Variants in KIAA0825 observed in about 807,000 individuals in gnomAD.
KIAA0825 encodes uncharacterized protein KIAA0825.
A neutral mutation model predicts 147.6 loss-of-function variants in KIAA0825; 119 were observed. The ratio of observed to expected loss-of-function variants is 0.81; its 90% CI spans 0.69 to 0.94. KIAA0825 has a LOEUF of 0.94. KIAA0825 is among the 40% of genes least tolerant of loss of function. The pLI, the probability that KIAA0825 is intolerant of heterozygous loss-of-function variation, is 0.00. For missense variants in KIAA0825, 1,381 were observed against 1,472.7 expected, an observed-to-expected ratio of 0.94 and a Z score of 1.02; for synonymous variants, 470 against 518.1, an observed-to-expected ratio of 0.91 and a Z score of 1.26.
At chr5:94,431,152 A>C (rs1035339015) in intron 14 of KIAA0825, among the ~76,000 whole-genome samples, 5 of 152,214 alleles carry the variant, frequency 3.3e-5, no homozygotes, top group Non-Finnish European at 7.3e-5. Context: ...AGTATAAAAA[A>C]AATGAAGAGA....
At chr5:94,168,670 G>A (rs1206323376) in intron 20 of KIAA0825, among the ~76,000 whole-genome samples, 1 of 152,110 alleles carries the variant, frequency 6.6e-6, no homozygotes, top group Non-Finnish European at 1.5e-5. Flanking sequence ...TAGATAGAAG[G>A]CCAAGGTCAT....
chr5:94,576,352 T>C (rs1781038258), intron 2 of KIAA0825, among the ~76,000 whole-genome samples: 1 of 151,942 alleles, frequency 6.6e-6, no homozygotes, highest in South Asian at 2.1e-4. Flanking sequence ...CTTTAAGAGG[T>C]TATTGGGTCA....
intron 20 of KIAA0825, among the ~76,000 whole-genome samples, chr5:94,344,210 A>G (rs1342292884): frequency 2.0e-5 from 3 of 152,212 alleles, no homozygotes; most frequent in African/African-American, 4.8e-5. Context: ...ATATTCATCA[A>G]CAGTGGAGTA....
In KIAA0825 at chr5:94,381,170, T is replaced by C. The variant is rs149252572; in HGVS notation, c.3710+3198A>G. Among the ~76,000 whole-genome samples, 758 of 152,330 alleles carry C rather than the reference T, an allele frequency of 5.0e-3. 9 individuals carry two copies. The highest frequency in any genetic ancestry group is 0.017 in the African/African-American group (725 of 41,572). ...CTGATCCTCACTAGTGGTTTAGGCC[T>C]GGAGTCCACATAACCTGGATGTTCT... On this transcript the variant is annotated intron_variant, in intron 20 of 20. Coordinates refer to ENST00000682413, the MANE Select transcript of KIAA0825 (RefSeq NM_001145678.3).
intron 15 of KIAA0825, among the ~76,000 whole-genome samples, chr5:94,410,392 A>G (rs559066400): frequency 1.3e-5 from 2 of 152,240 alleles, no homozygotes; most frequent in Admixed American, 1.3e-4. Flanking sequence ...TGGGAGGGGG[A>G]GTGAAGTGGG....
At chr5:94,163,380 C>A (rs566359014) in intron 20 of KIAA0825, among the ~76,000 whole-genome samples, 36 of 152,228 alleles carry the variant, frequency 2.4e-4, no homozygotes, top group African/African-American at 7.9e-4. Flanking sequence ...ATCCCAATAA[C>A]CTTTTCCTTC....
intron 20 of KIAA0825, among the ~76,000 whole-genome samples, chr5:94,287,235 T>A (rs1422706801): frequency 6.6e-6 from 1 of 152,188 alleles, no homozygotes; most frequent in African/African-American, 2.4e-5. Flanking sequence ...TGGATCAGTC[T>A]TCCGACTGAT....
intron 5 of KIAA0825, among the ~76,000 whole-genome samples, chr5:94,496,580 C>T (rs971199884): frequency 1.3e-5 from 2 of 152,094 alleles, no homozygotes; most frequent in Admixed American, 1.3e-4. Context: ...ATAATGTACC[C>T]ATATCCTTCG....
Position 94,250,341 on chromosome 5 carries a change from T to C in KIAA0825, c.3711-96217A>G, listed in dbSNP as rs1775884188. Among the ~76,000 whole-genome samples the C allele has an allele frequency of 2.0e-5, 3 of 152,156 alleles. No homozygotes were observed. The South Asian group carries it at 6.2e-4, about 32-fold the overall frequency. On this transcript the variant is annotated intron_variant, in intron 20 of 20. Coordinates refer to ENST00000682413, the MANE Select transcript of KIAA0825 (RefSeq NM_001145678.3). ...ACTTGTAAAATAATTTCTAAGAAAA[T>C]ATGGTAAATGTTTTTATTGCAACTA...
intron 20 of KIAA0825, among the ~76,000 whole-genome samples, chr5:94,265,496 T>C (rs1776703189): frequency 1.3e-5 from 2 of 152,108 alleles, no homozygotes; most frequent in African/African-American, 2.4e-5. Context: ...GCCACGTACT[T>C]ATATTAATAC....
chr5:94,368,440 C>A (rs1188631300), intron 20 of KIAA0825, among the ~76,000 whole-genome samples: 1 of 152,260 alleles, frequency 6.6e-6, no homozygotes, highest in East Asian at 1.9e-4. Context: ...TCCCAAAGTT[C>A]TGGGATTACA....
At chr5:94,437,796 G>A (rs1364823897) in intron 14 of KIAA0825, among the ~76,000 whole-genome samples, 1 of 152,144 alleles carries the variant, frequency 6.6e-6, no homozygotes, top group Non-Finnish European at 1.5e-5. Context: ...AAGATCACAT[G>A]AAAGTAACTC....
chr5:94,183,265 G>C (rs1174512633), intron 20 of KIAA0825, among the ~76,000 whole-genome samples: 7 of 152,144 alleles, frequency 4.6e-5, no homozygotes, highest in African/African-American at 1.4e-4. Context: ...ACTAAAATCT[G>C]TTATGAATTT....
At chr5:94,535,753 A>T (rs1162646236) in intron 3 of KIAA0825, among the ~76,000 whole-genome samples, 1 of 152,160 alleles carries the variant, frequency 6.6e-6, no homozygotes, top group Non-Finnish European at 1.5e-5. Flanking sequence ...GCAATTTGCA[A>T]AACTATCTCC....
chr5:94,472,710 C>G (rs889439721), intron 8 of KIAA0825, among the ~76,000 whole-genome samples: 6 of 152,156 alleles, frequency 3.9e-5, no homozygotes, highest in Non-Finnish European at 8.8e-5. Flanking sequence ...CGCCCCTGCA[C>G]TCCAGCCTGG....
intron 20 of KIAA0825, among the ~76,000 whole-genome samples, chr5:94,285,430 C>A (rs1452400644): frequency 6.6e-6 from 1 of 152,006 alleles, no homozygotes; most frequent in Non-Finnish European, 1.5e-5. Context: ...GAAATCTAGT[C>A]CATTCTCATT....
intron 2 of KIAA0825, among the ~76,000 whole-genome samples, chr5:94,571,946 G>A (rs989881360): frequency 1.9e-4 from 29 of 151,946 alleles, no homozygotes; most frequent in African/African-American, 5.8e-4. Flanking sequence ...TTTAGTGGCC[G>A]GGCACAATGG....
intron 1 of KIAA0825, among the ~76,000 whole-genome samples, chr5:94,610,245 C>T (rs932016056): frequency 6.6e-6 from 1 of 151,174 alleles, no homozygotes; most frequent in Non-Finnish European, 1.5e-5. Flanking sequence ...CATGGTGAAA[C>T]CCCATCTCTA....
chr5:94,607,442 C>G (rs1224107782), intron 1 of KIAA0825, among the ~76,000 whole-genome samples: 1 of 84,030 alleles, frequency 1.2e-5, no homozygotes, highest in Non-Finnish European at 2.6e-5. Context: ...GGCCAACCCT[C>G]TACTAAAAAT....
Sources: gnomAD v4.1 joint callset for allele counts (sites outside exome capture counted in the v4.1 genomes callset) on GRCh38, gnomAD v4.1.1 for gene constraint, MANE v1.5 for transcripts, NCBI Gene and HGNC (gene_info 2026-07-23, HGNC 2026-07-21) for gene names.